Variants in KCNH7 observed in about 807,000 individuals in gnomAD.
KCNH7 encodes the protein voltage-gated inwardly rectifying potassium channel KCNH7.
A neutral mutation model predicts 120.8 loss-of-function variants in KCNH7; 49 were observed. The observed-to-expected ratio is 0.41, with a 90% CI of 0.32 to 0.51. The LOEUF (loss-of-function observed/expected upper bound fraction) is 0.51, where lower values mean the gene tolerates loss of function less well. Ranked by LOEUF, KCNH7 falls within the 20% of genes least tolerant of loss-of-function variation. The pLI is 0.38. For missense variants in KCNH7, 1,097 were observed against 1,446.6 expected (o/e 0.76, Z 3.92); for synonymous variants, 547 against 516.1 (o/e 1.06, Z -0.81).
chr2:162,512,700 A>G, intron 4 of KCNH7, 26 bp from the exon 5 acceptor site: 1 of 1,588,444 alleles, frequency 6.3e-7, no homozygotes. Flanking sequence ...AAGGATAAAA[A>G]AAGAGAAATA....
intron 15 of KCNH7, among the ~76,000 whole-genome samples, chr2:162,373,148 A>C (rs1455696217): frequency 6.6e-6 from 1 of 152,148 alleles, no homozygotes; most frequent in East Asian, 1.9e-4. Flanking sequence ...CAGGAAGACT[A>C]TTCCTTAGAT....
intron 6 of KCNH7, among the ~76,000 whole-genome samples, chr2:162,463,537 C>A (rs572897320): frequency 1.8e-4 from 28 of 152,038 alleles, no homozygotes; most frequent in Non-Finnish European, 3.2e-4. Flanking sequence ...CCTTAAACGA[C>A]CCCACATGCA....
chr2:162,470,047 C>T (rs1445270767), intron 6 of KCNH7, among the ~76,000 whole-genome samples: 2 of 152,166 alleles, frequency 1.3e-5, no homozygotes, highest in Non-Finnish European at 2.9e-5. Flanking sequence ...GGCGTGATCT[C>T]GGCTCGCTAC....
chr2:162,433,703 T>G (rs1688144561), intron 8 of KCNH7, among the ~76,000 whole-genome samples: 1 of 151,874 alleles, frequency 6.6e-6, no homozygotes, highest in South Asian at 2.1e-4. Context: ...AAATACCATC[T>G]GGATAACAGA....
intron 7 of KCNH7, among the ~76,000 whole-genome samples, chr2:162,440,954 A>C (rs1219978042): frequency 6.6e-6 from 1 of 152,108 alleles, no homozygotes; most frequent in African/African-American, 2.4e-5. Context: ...TATTTTACCA[A>C]GGGTTATACT....
chr2:162,827,259 T>C (rs1298685734), intron 2 of KCNH7, among the ~76,000 whole-genome samples: 1 of 152,006 alleles, frequency 6.6e-6, no homozygotes, highest in Non-Finnish European at 1.5e-5. Flanking sequence ...AACTTTCTTG[T>C]GGGAAGGAGA....
intron 2 of KCNH7, among the ~76,000 whole-genome samples, chr2:162,557,162 C>A: frequency 6.6e-6 from 1 of 152,258 alleles, no homozygotes; most frequent in Non-Finnish European, 1.5e-5. Flanking sequence ...AGGCTGACTT[C>A]GGAAATTCAA....
intron 2 of KCNH7, among the ~76,000 whole-genome samples, chr2:162,695,582 G>A (rs932384776): frequency 2.0e-5 from 3 of 152,200 alleles, no homozygotes; most frequent in Non-Finnish European, 2.9e-5. Flanking sequence ...ATCCCAAAAT[G>A]TTCTAGAAGT....
At chr2:162,394,696 G>A (rs1474059889) in intron 11 of KCNH7, among the ~76,000 whole-genome samples, 1 of 151,836 alleles carries the variant, frequency 6.6e-6, no homozygotes, top group Non-Finnish European at 1.5e-5. Flanking sequence ...TTCACCATTT[G>A]CTGGGGAAAT....
chr2:162,726,062 A>G (rs978771329), intron 2 of KCNH7, among the ~76,000 whole-genome samples: 3 of 152,224 alleles, frequency 2.0e-5, no homozygotes, highest in Non-Finnish European at 4.4e-5. Context: ...TTGGGACACT[A>G]GTCCACTCAT....
chr2:162,832,953 GA>G (rs1422852907), intron 2 of KCNH7, among the ~76,000 whole-genome samples: 2 of 152,070 alleles, frequency 1.3e-5, no homozygotes, highest in African/African-American at 4.8e-5. Context: ...AAAGCAGCAT[GA>G]AGATAAGAAA....
At position 162,694,265 on chromosome 2, in the gene KCNH7, A is replaced by G. The variant is rs867459851; in HGVS notation, c.307+142272T>C. On this transcript the variant is annotated intron_variant, in intron 2 of 15. Transcript: ENST00000332142. ...GTTTGGAGGTTGGGCTTTTACAACT[A>G]CTAGAAAAAAAGGCATCCAATGCCA... Among the ~76,000 whole-genome samples, 16 of 152,270 alleles carry G rather than the reference A, an allele frequency of 1.1e-4. No homozygotes were observed. The South Asian group carries it at 2.3e-3, about 22-fold the overall frequency.
intron 2 of KCNH7, among the ~76,000 whole-genome samples, chr2:162,679,346 T>C (rs1348911460): frequency 1.3e-5 from 2 of 151,722 alleles, no homozygotes; most frequent in African/African-American, 4.8e-5. Context: ...TAGGCTTATA[T>C]GTTTGTGTGT....
In KCNH7 at chr2:162,482,325, G is replaced by C. The variant is rs563529279; in HGVS notation, c.1128+22118C>G. On this transcript the variant is annotated intron_variant, in intron 6 of 15. Transcript: ENST00000332142. ...AGGGGAGTTTAAAGAAGACTGACCA[G>C]AGCAGATGTGATGTGCTGATGAGGA... 2.6e-5 allele frequency among the ~76,000 whole-genome samples: 4 copies of C among 152,292 alleles called. No individual in the cohort carries two copies. In the East Asian group the frequency reaches 5.8e-4, roughly 22 times the overall value.
chr2:162,387,906 C>T (rs920217552), intron 12 of KCNH7, among the ~76,000 whole-genome samples: 2 of 151,726 alleles, frequency 1.3e-5, no homozygotes, highest in Admixed American at 6.6e-5. Flanking sequence ...TCTCAGTTTA[C>T]CATTTCTATT....
intron 2 of KCNH7, among the ~76,000 whole-genome samples, chr2:162,639,590 AAAAGCT>A (rs1458244804): frequency 3.9e-5 from 6 of 152,248 alleles, no homozygotes; most frequent in African/African-American, 1.4e-4. Context: ...TAGCTGACAT[AAAAGCT>A]AACCATAATG....
chr2:162,467,377 G>A (rs1255261033), intron 6 of KCNH7, among the ~76,000 whole-genome samples: 2 of 152,224 alleles, frequency 1.3e-5, no homozygotes, highest in South Asian at 4.1e-4. Context: ...TCATGGAGTA[G>A]ATCCCTCATG....
In KCNH7 at chr2:162,379,845, G is replaced by T. The variant is rs903671693; in HGVS notation, c.3131+8C>A. ...TTATGTTCTCCTTTTGCCCATCACT[G>T]CTTATACCTGTTAAGTTGCTCCTGG... On this transcript the variant is annotated splice_region_variant and intron_variant, in intron 14 of 15. Coordinates refer to ENST00000332142, the MANE Select transcript of KCNH7 (RefSeq NM_033272.4). 4 of 1,613,694 alleles carry T rather than the reference G, an allele frequency of 2.5e-6. No homozygotes were observed. The highest frequency in any genetic ancestry group is 2.5e-6 in the Non-Finnish European group (3 of 1,179,736).
intron 8 of KCNH7, among the ~76,000 whole-genome samples, chr2:162,426,761 T>C (rs1687878071): frequency 6.6e-6 from 1 of 152,128 alleles, no homozygotes; most frequent in African/African-American, 2.4e-5. Context: ...CTATTTTAAG[T>C]GTATAGTTCA....
Sources: allele counts gnomAD v4.1 joint callset (sites outside exome capture counted in the v4.1 genomes callset), GRCh38; gene constraint gnomAD v4.1.1; transcripts MANE v1.5; gene names NCBI Gene and HGNC (gene_info 2026-07-23, HGNC 2026-07-21).